Variants in SIGLEC6 observed in about 807,000 individuals in gnomAD.
SIGLEC6 encodes sialic acid binding Ig like lectin 6.
In SIGLEC6, 31 loss-of-function variants were observed where a neutral mutation model predicts 41.4. The observed-to-expected ratio is 0.75, with a 90% confidence interval of 0.56 to 1.01. The LOEUF (loss-of-function observed/expected upper bound fraction) is 1.01. SIGLEC6 is among the 50% of genes least tolerant of loss of function. The pLI is 0.00. For synonymous variants in SIGLEC6, 217 were observed against 231.0 expected, an observed-to-expected ratio of 0.94 and a Z score of 0.55; for missense variants, 555 against 558.6, an observed-to-expected ratio of 0.99 and a Z score of 0.06.
At chr19:51,527,673 G>A in intron 7 of SIGLEC6, 74 bp downstream of exon 7, 6 of 1,281,688 alleles carry the variant, frequency 4.7e-6, no homozygotes, top group Non-Finnish European at 5.6e-6. Flanking sequence ...ATGAAGAAAT[G>A]CCTCAGGGTC....
At chr19:51,526,352 T>C (rs1484748693) in intron 7 of SIGLEC6, among the ~76,000 whole-genome samples, 1 of 152,198 alleles carries the variant, frequency 6.6e-6, no homozygotes, top group Non-Finnish European at 1.5e-5. Context: ...AGAGGATTCA[T>C]GTGGCTGAAC....
chr19:51,522,796 T>C (rs1245077892), intron 7 of SIGLEC6, among the ~76,000 whole-genome samples: 2 of 151,588 alleles, frequency 1.3e-5, no homozygotes, highest in Non-Finnish European at 2.9e-5. Flanking sequence ...CTCTCAACAA[T>C]AACAAAAACT....
rs1990664404 is a variant in SIGLEC6, at chr19:51,518,189, T to A, written c.*1893A>T. ...AAATATCTATATTTCACTTTCAGTC[T>A]TAAAATGTGTTTTCATTGAGTAGGC... On this transcript the variant is annotated 3_prime_UTR_variant, in exon 8 of 8. Coordinates refer to ENST00000425629, the MANE Select transcript of SIGLEC6 (RefSeq NM_001245.7). Among the ~76,000 whole-genome samples the A allele has an allele frequency of 6.6e-6, 1 of 152,250 alleles. No homozygotes were observed. The highest frequency in any genetic ancestry group is 2.4e-5 in the African/African-American group (1 of 41,460).
At position 51,519,898 on chromosome 19, in the gene SIGLEC6, C is replaced by T. The variant is rs1216933409; in HGVS notation, c.*184G>A. On this transcript the variant is annotated 3_prime_UTR_variant, in exon 8 of 8. Coordinates refer to ENST00000425629, the MANE Select transcript of SIGLEC6 (RefSeq NM_001245.7). ...GCCATCTACAAGCCAACAAGAGAGG[C>T]CTTAGAAGGGACCAACCCTGATAAC... 3 of 407,352 alleles carry T rather than the reference C, an allele frequency of 7.4e-6. No individual in the cohort carries two copies. The highest frequency in any genetic ancestry group is 3.9e-5 in the Admixed American group (1 of 25,442). The allele number at this position is 407,352 out of a possible 1,614,324, so 25.2% of individuals were successfully genotyped here.
intron 3 of SIGLEC6, 59 bp from the exon 4 acceptor site, chr19:51,530,543 C>T (rs779535465): frequency 6.2e-7 from 1 of 1,611,206 alleles, no homozygotes; most frequent in South Asian, 1.1e-5. Context: ...AGGCATGGGG[C>T]CTTCCCCTCA....
intron 4 of SIGLEC6, 34 bp from the exon 5 acceptor site, chr19:51,530,015 G>A: frequency 6.5e-7 from 1 of 1,544,384 alleles, no homozygotes; most frequent in Non-Finnish European, 8.7e-7. Context: ...GTTAGAGATG[G>A]GGTATAGGGG....
At chr19:51,529,647 G>A in intron 5 of SIGLEC6, 77 bp downstream of exon 5, 1 of 1,580,764 alleles carries the variant, frequency 6.3e-7, no homozygotes, top group Non-Finnish European at 8.6e-7. Flanking sequence ...ACAGGACTTA[G>A]CAGGGGCCTC....
In SIGLEC6 at chr19:51,519,313, A is replaced by AG. The variant is rs1393399700; in HGVS notation, c.*768_*769insC. ...CCATCTCAGAAAAAAAAAAAAAAAAAAAAAGCTAGCCAAAGCCAGATACAA... is the reference window on the plus strand; with the variant it reads ...CCATCTCAGAAAAAAAAAAAAAAAAAGAAAAGCTAGCCAAAGCCAGATACAA... On this transcript the variant is annotated 3_prime_UTR_variant, in exon 8 of 8. Coordinates refer to ENST00000425629, the MANE Select transcript of SIGLEC6 (RefSeq NM_001245.7). Among the ~76,000 whole-genome samples, 706 of 151,260 alleles carry AG rather than the reference A, an allele frequency of 4.7e-3. 7 individuals carry two copies. The highest frequency in any genetic ancestry group is 0.016 in the African/African-American group (671 of 41,174).
Position 51,518,773 on chromosome 19 carries a change from T to C in SIGLEC6, c.*1309A>G, listed in dbSNP as rs542525076. On this transcript the variant is annotated 3_prime_UTR_variant, in exon 8 of 8. Transcript: ENST00000425629. Reference sequence around the variant, plus strand: ...GACTGGGATTTGTAAGAGGAAGCTGTGGAAATGGACATGGGGTATTGGTGA... The same window carrying C: ...GACTGGGATTTGTAAGAGGAAGCTGCGGAAATGGACATGGGGTATTGGTGA... 6.6e-6 allele frequency among the ~76,000 whole-genome samples: 1 copy of C among 152,198 alleles called. No homozygotes were observed. Among genetic ancestry groups the C allele is most frequent in the Admixed American group, 6.5e-5 (1 of 15,282 alleles).
intron 4 of SIGLEC6, 150 bp from the exon 5 acceptor site, chr19:51,530,131 T>C (rs1011460891): frequency 2.9e-6 from 3 of 1,029,106 alleles, no homozygotes; most frequent in Non-Finnish European, 4.2e-6. Flanking sequence ...ACCATTTCCC[T>C]GGAGCTGCCC....
In SIGLEC6 at chr19:51,520,116, T is replaced by C. The variant is rs779610420; in HGVS notation, c.1328A>G (p.Asp443Gly). ...KVQPQEPKVTDTEYSEIKIHK is the reference protein window; with the variant it reads ...KVQPQEPKVTGTEYSEIKIHK Reference sequence around the variant, plus strand: ...TATCTTGATTTCTGAGTACTCAGTGTCGGTGACCTTTGGTTCCTGAGGTTG... The same window carrying C: ...TATCTTGATTTCTGAGTACTCAGTGCCGGTGACCTTTGGTTCCTGAGGTTG... Residue 443 changes from aspartate (D) to glycine (G), a missense_variant, in exon 8 of 8, where the codon GAC (aspartate) becomes GGC (glycine). Transcript: ENST00000425629. The C allele has an allele frequency of 6.3e-7, 1 of 1,593,984 alleles. No individual in the cohort carries two copies. Among genetic ancestry groups the C allele is most frequent in the Middle Eastern group, 1.7e-4 (1 of 6,000 alleles).
intron 5 of SIGLEC6, chr19:51,528,543 C>A: frequency 2.2e-6 from 1 of 460,980 alleles, no homozygotes; most frequent in South Asian, 2.5e-5. Flanking sequence ...TGTCTCCCCA[C>A]AATTCCTATT....
chr19:51,531,128 C>A, intron 2 of SIGLEC6, 32 bp downstream of exon 2: 1 of 1,561,118 alleles, frequency 6.4e-7, no homozygotes, highest in Non-Finnish European at 8.7e-7. Flanking sequence ...CATGACCTTC[C>A]CCTGTGGCTA....
chr19:51,518,857 G>A lies in SIGLEC6; in HGVS notation c.*1225C>T, dbSNP rs894031915. 6.6e-6 allele frequency among the ~76,000 whole-genome samples: 1 copy of A among 152,162 alleles called. No homozygotes were observed. Among genetic ancestry groups the A allele is most frequent in the Non-Finnish European group, 1.5e-5 (1 of 68,028 alleles). ...GACAAGATCATGTAGAGAGCCTTGA[G>A]CAGAAAGATGATGGATGGAAACCTT... is the stretch of plus-strand genomic sequence containing the variant. On this transcript the variant is annotated 3_prime_UTR_variant, in exon 8 of 8. Coordinates refer to ENST00000425629, the MANE Select transcript of SIGLEC6 (RefSeq NM_001245.7).
chr19:51,530,432 C>A lies in SIGLEC6; in HGVS notation c.754+5G>T. 1 of 1,613,864 alleles carries A rather than the reference C, an allele frequency of 6.2e-7. No individual in the cohort carries two copies. The highest frequency in any genetic ancestry group is 1.1e-5 in the South Asian group (1 of 91,074). On this transcript the variant is annotated splice_donor_5th_base_variant and intron_variant, in intron 4 of 7. Coordinates refer to ENST00000425629, the MANE Select transcript of SIGLEC6 (RefSeq NM_001245.7). ...CTGGAGAGAACAGGACTGGCTGGTT[C>A]CTACCTGCGCTGTTTCCTTGGAAGA...
At chr19:51,522,783 C>A (rs1262765862) in intron 7 of SIGLEC6, among the ~76,000 whole-genome samples, 1 of 152,032 alleles carries the variant, frequency 6.6e-6, no homozygotes. Context: ...AGAGTGAAAC[C>A]CTCTCTCAAC....
In SIGLEC6 at chr19:51,531,144, G is replaced by A; in HGVS notation, c.427+16C>T. On this transcript the variant is annotated intron_variant, in intron 2 of 7. Transcript: ENST00000425629. ...ATGACCTTCCCCTGTGGCTAGTCCT[G>A]GAGCTGGTTCCTTACCCATCACACG... The A allele has an allele frequency of 6.4e-7, 1 of 1,570,962 alleles. No homozygotes were observed.
At chr19:51,530,366 A>C (rs898904994) in intron 4 of SIGLEC6, 71 bp downstream of exon 4, 36 of 1,386,800 alleles carry the variant, frequency 2.6e-5, no homozygotes, top group Non-Finnish European at 3.7e-5. Flanking sequence ...CTGGCTTCTC[A>C]TATTGATCCC....
At chr19:51,522,436 A>G (rs1978432306) in intron 7 of SIGLEC6, among the ~76,000 whole-genome samples, 1 of 152,214 alleles carries the variant, frequency 6.6e-6, no homozygotes. Flanking sequence ...GAAACATATC[A>G]CCAAATGATG....
Sources: gnomAD v4.1 joint callset for allele counts (sites outside exome capture counted in the v4.1 genomes callset) on GRCh38, gnomAD v4.1.1 for gene constraint, MANE v1.5 for transcripts, NCBI Gene and HGNC (gene_info 2026-07-23, HGNC 2026-07-21) for gene names.